SESTD1: variants seen among roughly 807,000 people sequenced by gnomAD.
SESTD1 encodes SEC14 and spectrin domain containing 1.
In SESTD1, 43 loss-of-function variants were observed where a neutral mutation model predicts 101.7. The ratio of observed to expected loss-of-function variants is 0.42; its 90% CI spans 0.33 to 0.55. The LOEUF (loss-of-function observed/expected upper bound fraction) is 0.55. SESTD1 is among the 20% of genes least tolerant of loss of function. The probability of loss-of-function intolerance (pLI) is 0.07; values close to 1 mark genes in which losing one functional copy is unlikely to be tolerated. For missense variants in SESTD1, 647 were observed against 815.1 expected, an observed-to-expected ratio of 0.79 and a Z score of 2.51; for synonymous variants, 283 against 286.8, an observed-to-expected ratio of 0.99 and a Z score of 0.13.
intron 4 of SESTD1, among the ~76,000 whole-genome samples, chr2:179,173,625 T>C (rs80212074): frequency 0.092 from 13,975 of 152,216 alleles, 2,126 homozygotes; most frequent in African/African-American, 0.32. Flanking sequence ...TTGAGCTGAA[T>C]AGAAACCACC....
chr2:179,105,717 T>A lies in SESTD1; in HGVS notation c.*4182A>T, dbSNP rs2044368016. On this transcript the variant is annotated 3_prime_UTR_variant, in exon 18 of 18. Transcript: ENST00000428443. ...ATATTTTGGCTTCAACAATTCTTTA[T>A]ATCATATTTTATTCTTGAAATTGGT... is the stretch of plus-strand genomic sequence containing the variant. 4 of 152,216 alleles carry A rather than the reference T, an allele frequency of 2.6e-5. No individual in the cohort carries two copies. The highest frequency in any genetic ancestry group is 2.6e-4 in the Admixed American group (4 of 15,276). The allele number at this position is 152,216 out of a possible 1,614,324, so 9.4% of individuals were successfully genotyped here.
chr2:179,243,906 A>G (rs2047190550), intron 1 of SESTD1, among the ~76,000 whole-genome samples: 1 of 151,112 alleles, frequency 6.6e-6, no homozygotes, highest in African/African-American at 2.4e-5. Context: ...AATCTAAAAT[A>G]AAAGTTTAAA....
At chr2:179,159,561 G>T (rs970140578) in intron 5 of SESTD1, among the ~76,000 whole-genome samples, 1 of 152,134 alleles carries the variant, frequency 6.6e-6, no homozygotes, top group Non-Finnish European at 1.5e-5. Context: ...GCAAAAACTC[G>T]AAGAAAACAG....
At chr2:179,175,146 T>TA (rs2045990322) in intron 4 of SESTD1, among the ~76,000 whole-genome samples, 1 of 152,150 alleles carries the variant, frequency 6.6e-6, no homozygotes, top group African/African-American at 2.4e-5. Flanking sequence ...TTAAGTTATT[T>TA]AAAATCCTTG....
intron 9 of SESTD1, among the ~76,000 whole-genome samples, chr2:179,133,990 C>T (rs2045075970): frequency 6.6e-6 from 1 of 152,146 alleles, no homozygotes; most frequent in Non-Finnish European, 1.5e-5. Context: ...ATTTTCATAG[C>T]ATCTGCATTG....
Position 179,190,252 on chromosome 2 carries a change from C to A in SESTD1, c.55+1535G>T, listed in dbSNP as rs112125559. On this transcript the variant is annotated intron_variant, in intron 2 of 17. Coordinates refer to ENST00000428443, the MANE Select transcript of SESTD1 (RefSeq NM_178123.5). ...AGATTCCAGAAATAAGGTCACATAC[C>A]TATAGCCTTCTGATCTTCAACAAAA... 2.3e-3 allele frequency among the ~76,000 whole-genome samples: 353 copies of A among 152,094 alleles called. 6 individuals carry two copies. The highest frequency in any genetic ancestry group is 8.1e-3 in the African/African-American group (335 of 41,538).
chr2:179,113,967 G>GT (rs2044571110), intron 16 of SESTD1, among the ~76,000 whole-genome samples: 1 of 118,352 alleles, frequency 8.4e-6, no homozygotes. Flanking sequence ...TACACAGGGT[G>GT]GGGGGAGCTT....
chr2:179,105,470 AG>A lies in SESTD1; in HGVS notation c.*4428del, dbSNP rs2044361421. The A allele has an allele frequency of 6.6e-6, 1 of 151,650 alleles. No homozygotes were observed. Among genetic ancestry groups the A allele is most frequent in the Non-Finnish European group, 1.5e-5 (1 of 67,946 alleles). The allele number at this position is 151,650 out of a possible 1,614,324, so 9.4% of individuals were successfully genotyped here. On this transcript the variant is annotated 3_prime_UTR_variant, in exon 18 of 18. Transcript: ENST00000428443. ...TACCAACTGGACCTTTTGTATCTTC[AG>A]TGTGTAATTCTGAAGATGCATTCTG... is the stretch of plus-strand genomic sequence containing the variant.
intron 1 of SESTD1, among the ~76,000 whole-genome samples, chr2:179,246,113 G>A (rs1477137489): frequency 6.6e-6 from 1 of 152,076 alleles, no homozygotes; most frequent in African/African-American, 2.4e-5. Flanking sequence ...AAATTAGCTG[G>A]GTGTGGTGGC....
At chr2:179,113,446 C>A (rs543563111) in intron 16 of SESTD1, among the ~76,000 whole-genome samples, 1 of 152,216 alleles carries the variant, frequency 6.6e-6, no homozygotes, top group East Asian at 1.9e-4. Flanking sequence ...TCTCTATAGT[C>A]CTTGATGAGA....
intron 1 of SESTD1, among the ~76,000 whole-genome samples, chr2:179,254,091 CCTT>C (rs2047357575): frequency 6.6e-6 from 1 of 151,042 alleles, no homozygotes; most frequent in Non-Finnish European, 1.5e-5. Context: ...CAGAGTGAGA[CCTT>C]GTCTCGAAAA....
chr2:179,168,541 G>A (rs1238135651), intron 5 of SESTD1, among the ~76,000 whole-genome samples: 2 of 151,784 alleles, frequency 1.3e-5, no homozygotes, highest in African/African-American at 2.4e-5. Flanking sequence ...AAAAAAACTT[G>A]AAAATAATTT....
rs186011081 is a variant in SESTD1, at chr2:179,222,075, G to A, written c.-25-30209C>T. Among the ~76,000 whole-genome samples, 1,091 of 152,170 alleles carry A rather than the reference G, an allele frequency of 7.2e-3. 8 individuals carry two copies. The highest frequency in any genetic ancestry group is 9.7e-3 in the Non-Finnish European group (658 of 67,996). ...TTTTGGAACAAACATAGGACACATG[G>A]AAAACCAAGTATTTATAGAGTGACC... On this transcript the variant is annotated intron_variant, in intron 1 of 17. Transcript: ENST00000428443.
chr2:179,185,784 A>G (rs12328184), intron 2 of SESTD1, among the ~76,000 whole-genome samples: 77,005 of 120,430 alleles, frequency 0.64, 25,596 homozygotes, highest in East Asian at 0.84. Flanking sequence ...TATACAATAT[A>G]GTATACAATA....
At chr2:179,230,318 T>C (rs1475837388) in intron 1 of SESTD1, among the ~76,000 whole-genome samples, 1 of 151,678 alleles carries the variant, frequency 6.6e-6, no homozygotes, top group Non-Finnish European at 1.5e-5. Flanking sequence ...GTATTTTTTG[T>C]AGAGAATGAG....
intron 5 of SESTD1, among the ~76,000 whole-genome samples, chr2:179,161,213 C>T (rs1488406474): frequency 2.0e-5 from 3 of 151,774 alleles, no homozygotes; most frequent in Non-Finnish European, 2.9e-5. Flanking sequence ...TGGGCCATTG[C>T]TCCTGGCCTT....
chr2:179,112,532 T>C (rs533611642), intron 17 of SESTD1, among the ~76,000 whole-genome samples, 192 bp downstream of exon 17: 4 of 152,366 alleles, frequency 2.6e-5, no homozygotes, highest in African/African-American at 7.2e-5. Context: ...AACGCATCTG[T>C]TGTTGGCAAG....
rs916917417 is a variant in SESTD1, at chr2:179,102,060, T to C, written c.*7839A>G. ...TGTTGTAATATGCCTCCTCCATCCC[T>C]AAATACACATTCACCTTTGATGCCT... is the stretch of plus-strand genomic sequence containing the variant. On this transcript the variant is annotated 3_prime_UTR_variant, in exon 18 of 18. Transcript: ENST00000428443. The C allele has an allele frequency of 1.3e-5, 2 of 152,122 alleles. No homozygotes were observed. The highest frequency in any genetic ancestry group is 4.8e-5 in the African/African-American group (2 of 41,432). The allele number at this position is 152,122 out of a possible 1,614,324, so 9.4% of individuals were successfully genotyped here. A position where few individuals can be genotyped will look rare whatever the true frequency, so the allele number is the denominator to read the frequency against.
Position 179,109,952 on chromosome 2 carries a change from T to C in SESTD1, c.2038A>G (p.Asn680Asp). ...TGTCTCAGCTGCTGCCTTTTGAGAT[T>C]AACTAGTTTCATCCTGTCTCTGATG... ...ENIRDRMKLV[N>D]LKRQQLRHPE... The change falls in exon 18 of 18, where the codon AAT (asparagine) becomes GAT (aspartate). Residue 680 changes from asparagine (N) to aspartate (D), a missense_variant. This residue lies in a region of SESTD1 where 476 missense variants were observed against 562.6 expected (regional missense o/e 0.85). Transcript: ENST00000428443. The C allele has an allele frequency of 1.2e-6, 2 of 1,613,968 alleles. No homozygotes were observed. The highest frequency in any genetic ancestry group is 2.2e-5 in the South Asian group (2 of 91,072).
Sources: gnomAD v4.1 joint callset for allele counts (sites outside exome capture counted in the v4.1 genomes callset) on GRCh38, gnomAD v4.1.1 for gene constraint, gnomAD v4.1.1 regional missense constraint, MANE v1.5 for transcripts, NCBI Gene and HGNC (gene_info 2026-07-23, HGNC 2026-07-21) for gene names.